The following ABCB1 variants were observed in gnomAD, a reference collection of about 807,000 sequenced individuals.
ABCB1 encodes the protein ATP binding cassette subfamily B member 1.
ABCB1 carries 69 observed loss-of-function variants against 142.0 expected under a neutral mutation model. That is an observed-to-expected ratio of 0.49 (90% CI 0.40 to 0.59). The LOEUF (loss-of-function observed/expected upper bound fraction) is 0.59. ABCB1 is among the 20% of genes least tolerant of loss of function. The probability of loss-of-function intolerance (pLI) is 0.00; values close to 1 mark genes in which losing one functional copy is unlikely to be tolerated. For synonymous variants in ABCB1, 532 were observed against 539.2 expected, an observed-to-expected ratio of 0.99 and a Z score of 0.18; for missense variants, 1,326 against 1,554.7, an observed-to-expected ratio of 0.85 and a Z score of 2.47.
chr7:87,541,145 T>C (rs1284277395), intron 18 of ABCB1, among the ~76,000 whole-genome samples: 1 of 152,114 alleles, frequency 6.6e-6, no homozygotes, highest in African/African-American at 2.4e-5. Context: ...CCTGGTTTCA[T>C]TGCGGGAGGT....
intron 1 of ABCB1, among the ~76,000 whole-genome samples, chr7:87,614,864 G>C (rs1366790288): frequency 6.6e-6 from 1 of 151,866 alleles, no homozygotes; most frequent in Admixed American, 6.6e-5. Context: ...GGGGGGCCGG[G>C]GAACGGAGTC....
intron 4 of ABCB1, among the ~76,000 whole-genome samples, chr7:87,582,350 C>T (rs1161473183): frequency 6.6e-6 from 1 of 152,086 alleles, no homozygotes; most frequent in Non-Finnish European, 1.5e-5. Flanking sequence ...AGTCAGGTGT[C>T]CTTTCTCTCT....
chr7:87,703,569 A>C, intron 1 of ABCB1, among the ~76,000 whole-genome samples: 1 of 152,148 alleles, frequency 6.6e-6, no homozygotes. Flanking sequence ...TTCCTGCTTC[A>C]ATATCTTTCA....
At chr7:87,690,948 G>GA (rs1360646444) in intron 1 of ABCB1, among the ~76,000 whole-genome samples, 2 of 151,646 alleles carry the variant, frequency 1.3e-5, no homozygotes, top group Admixed American at 6.6e-5. Flanking sequence ...GAGAGAGAGA[G>GA]AAAATAGAAT....
Position 87,712,985 on chromosome 7 carries a change from C to T in ABCB1, c.-331+176G>A, listed in dbSNP as rs1051263276. On this transcript the variant is annotated intron_variant, in intron 1 of 28. Transcript: ENST00000265724. Reference sequence around the variant, plus strand: ...TATCTTAGAAGTTAACTAAAAAATGCGGCAAAAAAATCTTATTTTTCTCCC... The same window carrying T: ...TATCTTAGAAGTTAACTAAAAAATGTGGCAAAAAAATCTTATTTTTCTCCC... Among the ~76,000 whole-genome samples the T allele has an allele frequency of 8.6e-5, 13 of 151,836 alleles. 1 individual carries two copies. The highest frequency in any genetic ancestry group is 5.3e-4 in the Admixed American group (8 of 15,236).
chr7:87,696,290 G>C (rs930367287), intron 1 of ABCB1, among the ~76,000 whole-genome samples: 2 of 152,110 alleles, frequency 1.3e-5, no homozygotes, highest in Middle Eastern at 3.2e-3. Context: ...GGAAGTCAAA[G>C]TATTTGAGGA....
rs373673047 is a variant in ABCB1 at position 87,587,682 on chromosome 7, T to C, written c.118-2002A>G. Among the ~76,000 whole-genome samples the C allele has an allele frequency of 8.9e-4, 136 of 152,056 alleles. No individual in the cohort carries two copies. In the Middle Eastern group the frequency reaches 0.01, roughly 11 times the overall value. On this transcript the variant is annotated intron_variant, in intron 3 of 27. Coordinates refer to ENST00000622132, the MANE Select transcript of ABCB1 (RefSeq NM_001348946.2). ...GTCAGGAGATCAATACCATCCTGGCTAACACAGTGAAACCCCGTCTCTATT... is the reference window on the plus strand; with the variant it reads ...GTCAGGAGATCAATACCATCCTGGCCAACACAGTGAAACCCCGTCTCTATT...
At position 87,563,712 on chromosome 7, in the gene ABCB1, C is replaced by T. The variant is rs1272338746; in HGVS notation, c.703-2325G>A. Among the ~76,000 whole-genome samples, 6 of 152,082 alleles carry T rather than the reference C, an allele frequency of 3.9e-5. No individual in the cohort carries two copies. The East Asian group carries it at 1.2e-3, about 29-fold the overall frequency. ...TAACATTATACTGAATGGGCAAAAG[C>T]TGGAAGCATTCCCCTTGAAAACTGG... On this transcript the variant is annotated intron_variant, in intron 7 of 27. Coordinates refer to ENST00000622132, the MANE Select transcript of ABCB1 (RefSeq NM_001348946.2).
At chr7:87,595,918 A>G (rs1819188154) in intron 2 of ABCB1, 104 bp from the exon 3 acceptor site, 1 of 860,196 alleles carries the variant, frequency 1.2e-6, no homozygotes, top group Non-Finnish European at 1.9e-6. Context: ...AGGAAGAAGA[A>G]ATATGTCTAT....
At chr7:87,586,503 G>C (rs1818767722) in intron 3 of ABCB1, among the ~76,000 whole-genome samples, 1 of 152,166 alleles carries the variant, frequency 6.6e-6, no homozygotes, top group Non-Finnish European at 1.5e-5. Flanking sequence ...GCCAGCTGTG[G>C]GTGTCTATGG....
chr7:87,559,328 T>A (rs1413568125), intron 8 of ABCB1, among the ~76,000 whole-genome samples: 1 of 152,086 alleles, frequency 6.6e-6, no homozygotes, highest in African/African-American at 2.4e-5. Context: ...TAACCTACAT[T>A]TTTCTAGCAT....
At chr7:87,515,679 C>A (rs1360800800) in intron 24 of ABCB1, among the ~76,000 whole-genome samples, 3 of 152,034 alleles carry the variant, frequency 2.0e-5, no homozygotes, top group Admixed American at 6.5e-5. Flanking sequence ...CAACCTCCAC[C>A]CCCCAGGTTC....
intron 1 of ABCB1, among the ~76,000 whole-genome samples, chr7:87,704,423 A>G (rs1485872395): frequency 6.6e-6 from 1 of 152,202 alleles, no homozygotes; most frequent in African/African-American, 2.4e-5. Context: ...AACCCTTTCA[A>G]TAGAGGGGAG....
intron 1 of ABCB1, among the ~76,000 whole-genome samples, chr7:87,702,391 A>G (rs139486091): frequency 1.3e-3 from 198 of 151,692 alleles, no homozygotes; most frequent in African/African-American, 4.6e-3. Flanking sequence ...TGATCCTCCA[A>G]CCTCAGCTTC....
chr7:87,663,543 A>G (rs1212422103), intron 1 of ABCB1, among the ~76,000 whole-genome samples: 1 of 152,054 alleles, frequency 6.6e-6, no homozygotes, highest in African/African-American at 2.4e-5. Flanking sequence ...TTTCTACTCC[A>G]TCTTTCTGTT....
At chr7:87,594,381 C>G (rs1399935950) in intron 3 of ABCB1, among the ~76,000 whole-genome samples, 1 of 152,148 alleles carries the variant, frequency 6.6e-6, no homozygotes, top group Non-Finnish European at 1.5e-5. Flanking sequence ...TGTGCTATTA[C>G]TACTACCTCA....
chr7:87,540,239 A>G (rs559645125), intron 18 of ABCB1, among the ~76,000 whole-genome samples: 31 of 152,224 alleles, frequency 2.0e-4, no homozygotes, highest in Non-Finnish European at 4.0e-4. Flanking sequence ...ATTACCTACT[A>G]CTGCCTCATG....
chr7:87,619,294 C>T (rs527625120), intron 1 of ABCB1, among the ~76,000 whole-genome samples: 1 of 152,106 alleles, frequency 6.6e-6, no homozygotes, highest in Non-Finnish European at 1.5e-5. Flanking sequence ...AATCTCAGCA[C>T]TTTGGGAGGC....
intron 4 of ABCB1, among the ~76,000 whole-genome samples, chr7:87,575,045 G>A (rs1818216891): frequency 6.6e-6 from 1 of 152,100 alleles, no homozygotes; most frequent in Admixed American, 6.5e-5. Flanking sequence ...TTGTATACAA[G>A]TGTCTCACAT....
Sources: allele counts gnomAD v4.1 joint callset (sites outside exome capture counted in the v4.1 genomes callset), GRCh38; gene constraint gnomAD v4.1.1; transcripts MANE v1.5; gene names NCBI Gene and HGNC (gene_info 2026-07-23, HGNC 2026-07-21).